Variants in C1orf174 observed in about 807,000 individuals in gnomAD.
C1orf174 encodes the protein UPF0688 protein C1orf174.
In C1orf174, 13 loss-of-function variants were observed where a neutral mutation model predicts 18.4. The observed-to-expected ratio is 0.71, with a 90% CI of 0.46 to 1.12. The LOEUF is 1.12. Ranked by LOEUF, C1orf174 falls within the 50% of genes most tolerant of loss-of-function variation. The probability of loss-of-function intolerance (pLI) is 0.00; values close to 1 mark genes in which losing one functional copy is unlikely to be tolerated. For synonymous variants in C1orf174, 100 were observed against 118.3 expected, an observed-to-expected ratio of 0.85 and a Z score of 1.01; for missense variants, 309 against 308.0, an observed-to-expected ratio of 1.00 and a Z score of -0.02.
At position 3,900,196 on chromosome 1, in the gene C1orf174, C is replaced by A. The variant is rs1638685660; in HGVS notation, c.-10G>T. On this transcript the variant is annotated 5_prime_UTR_variant, in exon 1 of 4. Coordinates refer to ENST00000361605, the MANE Select transcript of C1orf174 (RefSeq NM_207356.3). ...CCTTCCGGCTCCTCATGAGTGTGAG[C>A]ACCGCAGCCAAGCACCGCGCGCCCC... The A allele has an allele frequency of 1.3e-6, 2 of 1,582,176 alleles. No individual in the cohort carries two copies. The highest frequency in any genetic ancestry group is 1.7e-6 in the Non-Finnish European group (2 of 1,173,268).
chr1:3,894,908 C>T (rs939849178), intron 1 of C1orf174, among the ~76,000 whole-genome samples: 3 of 152,338 alleles, frequency 2.0e-5, no homozygotes, highest in South Asian at 4.1e-4. Context: ...CCCCGGCAGA[C>T]GTCATGGTCA....
intron 2 of C1orf174, 25 bp from the exon 3 acceptor site, chr1:3,891,082 G>T: frequency 6.3e-7 from 1 of 1,589,506 alleles, no homozygotes; most frequent in South Asian, 1.1e-5. Flanking sequence ...AATGTAAGGG[G>T]AACCAGACAT....
intron 1 of C1orf174, chr1:3,895,290 C>T (rs1638586904): frequency 6.6e-6 from 1 of 152,302 alleles, no homozygotes; most frequent in African/African-American, 2.4e-5. Flanking sequence ...ATCACCACAG[C>T]TCACCCTAGA....
In C1orf174 at chr1:3,890,872, G is replaced by T. The variant is rs747143488; in HGVS notation, c.315C>A (p.Gly105=). ...EFAEGSALLP[G]SEAGVSVQQG... Reference sequence around the variant, plus strand: ...GCTGCACAGAAACGCCAGCCTCGCTGCCTGGAAGCAAGGCACTGCCTTCAG... The same window carrying T: ...GCTGCACAGAAACGCCAGCCTCGCTTCCTGGAAGCAAGGCACTGCCTTCAG... The change falls in exon 3 of 4, where the codon GGC becomes GGA. Residue 105 remains glycine (G), a synonymous_variant. Coordinates refer to ENST00000361605, the MANE Select transcript of C1orf174 (RefSeq NM_207356.3). The T allele has an allele frequency of 1.2e-6, 2 of 1,613,556 alleles. No homozygotes were observed. Among genetic ancestry groups the T allele is most frequent in the Non-Finnish European group, 1.7e-6 (2 of 1,180,008 alleles).
chr1:3,890,638 G>A lies in C1orf174; in HGVS notation c.549C>T (p.Val183=), dbSNP rs1303718331. Residue 183 remains valine, a synonymous_variant, in exon 3 of 4, where the codon GTC becomes GTT. Coordinates refer to ENST00000361605, the MANE Select transcript of C1orf174 (RefSeq NM_207356.3). ...GCTGATTGCTGTCGTCATCTAGAAA[G>A]ACGCTGTTGTCCATCTGAAGTGGTG... ...QKPPLQMDNS[V]FLDDDSNQPM... 1 of 1,614,156 alleles carries A rather than the reference G, an allele frequency of 6.2e-7. No individual in the cohort carries two copies. The highest frequency in any genetic ancestry group is 1.1e-5 in the South Asian group (1 of 91,076).
intron 1 of C1orf174, among the ~76,000 whole-genome samples, chr1:3,897,207 G>C (rs565910775): frequency 6.6e-6 from 1 of 152,294 alleles, no homozygotes; most frequent in East Asian, 1.9e-4. Context: ...GTCTGTGAGA[G>C]TGACCAGATG....
intron 1 of C1orf174, among the ~76,000 whole-genome samples, chr1:3,893,811 C>T (rs1040207356): frequency 6.6e-6 from 1 of 152,144 alleles, no homozygotes; most frequent in Non-Finnish European, 1.5e-5. Flanking sequence ...GTGAGAGGAT[C>T]ACTTGATCCC....
chr1:3,898,277 T>C (rs1332320899), intron 1 of C1orf174, among the ~76,000 whole-genome samples: 1 of 152,170 alleles, frequency 6.6e-6, no homozygotes, highest in Non-Finnish European at 1.5e-5. Flanking sequence ...TTTGGGAGGC[T>C]GAGGCAGTGA....
intron 1 of C1orf174, 56 bp downstream of exon 1, chr1:3,900,116 G>A: frequency 1.3e-6 from 2 of 1,556,728 alleles, no homozygotes; most frequent in South Asian, 2.3e-5. Flanking sequence ...CAGACAGCAG[G>A]TGACCCAGAG....
At chr1:3,894,627 A>G (rs1638573534) in intron 1 of C1orf174, among the ~76,000 whole-genome samples, 1 of 151,638 alleles carries the variant, frequency 6.6e-6, no homozygotes, top group Admixed American at 6.6e-5. Context: ...AAAAAAAGAA[A>G]TAATCTGTCT....
At chr1:3,895,316 CT>C (rs1638587204) in intron 1 of C1orf174, 1 of 152,288 alleles carries the variant, frequency 6.6e-6, no homozygotes, top group South Asian at 2.1e-4. Context: ...CCCCCAACAA[CT>C]GCCTGAGGTG....
At chr1:3,897,505 T>A (rs544380658) in intron 1 of C1orf174, among the ~76,000 whole-genome samples, 1 of 151,590 alleles carries the variant, frequency 6.6e-6, no homozygotes, top group East Asian at 1.9e-4. Flanking sequence ...CGAAGAAAAA[T>A]AAAGCAAGCT....
At chr1:3,900,056 C>T in intron 1 of C1orf174, 116 bp downstream of exon 1, 1 of 1,309,884 alleles carries the variant, frequency 7.6e-7, no homozygotes, top group Non-Finnish European at 1.0e-6. Flanking sequence ...GAGGCCCAAG[C>T]GGAGGCCGCT....
rs1638688622 is a variant in C1orf174 at position 3,900,239 on chromosome 1, G to T, written c.-53C>A. On this transcript the variant is annotated 5_prime_UTR_variant, in exon 1 of 4. Coordinates refer to ENST00000361605, the MANE Select transcript of C1orf174 (RefSeq NM_207356.3). Reference sequence around the variant, plus strand: ...CGCGCCCCGGCCAACGCGTCCCGGCGGAGCGGCGACCCGGAGTCTGCAGAG... The same window carrying T: ...CGCGCCCCGGCCAACGCGTCCCGGCTGAGCGGCGACCCGGAGTCTGCAGAG... 2.0e-6 allele frequency: 3 copies of T among 1,535,174 alleles called. No homozygotes were observed. Among genetic ancestry groups the T allele is most frequent in the African/African-American group, 1.4e-5 (1 of 69,978 alleles).
intron 1 of C1orf174, among the ~76,000 whole-genome samples, chr1:3,894,774 C>G (rs1638576253): frequency 1.3e-5 from 2 of 152,172 alleles, no homozygotes; most frequent in African/African-American, 4.8e-5. Context: ...CACCGGAGGC[C>G]AGGACGCCCG....
intron 1 of C1orf174, chr1:3,895,582 G>C (rs1453313778): frequency 8.4e-6 from 1 of 119,476 alleles, no homozygotes; most frequent in Non-Finnish European, 2.0e-5. Context: ...GCTGTTAACA[G>C]ACACCTGAGC....
chr1:3,898,719 A>T (rs937322701), intron 1 of C1orf174, among the ~76,000 whole-genome samples: 1 of 152,242 alleles, frequency 6.6e-6, no homozygotes, highest in Admixed American at 6.5e-5. Flanking sequence ...TTAATTTAAA[A>T]AGCAATTGTA....
chr1:3,890,670 G>A lies in C1orf174; in HGVS notation c.517C>T (p.Gln173Ter). The change falls in exon 3 of 4, where the codon CAG (glutamine) becomes TAG (stop). Residue 173 changes from glutamine (Q) to a stop codon, truncating the protein, a stop_gained. Coordinates refer to ENST00000361605, the MANE Select transcript of C1orf174 (RefSeq NM_207356.3). LOFTEE classifies it high-confidence loss of function. ...TTGTCCATCTGAAGTGGTGGCTTCTGCACATCCTCTGTCTGTAGCCCTGGC... is the reference window on the plus strand; with the variant it reads ...TTGTCCATCTGAAGTGGTGGCTTCTACACATCCTCTGTCTGTAGCCCTGGC... ...NEPGLQTEDVQKPPLQMDNSV... is the reference protein window; with the variant it reads ...NEPGLQTEDV 6.2e-7 allele frequency: 1 copy of A among 1,614,110 alleles called. No homozygotes were observed. The highest frequency in any genetic ancestry group is 1.1e-5 in the South Asian group (1 of 91,082).
At position 3,900,247 on chromosome 1, in the gene C1orf174, G is replaced by C. The variant is rs1012642928; in HGVS notation, c.-61C>G. On this transcript the variant is annotated 5_prime_UTR_variant, in exon 1 of 4. Coordinates refer to ENST00000361605, the MANE Select transcript of C1orf174 (RefSeq NM_207356.3). ...GGCCAACGCGTCCCGGCGGAGCGGC[G>C]ACCCGGAGTCTGCAGAGCGCGCCGC... The C allele has an allele frequency of 2.0e-6, 3 of 1,521,710 alleles. No homozygotes were observed. The highest frequency in any genetic ancestry group is 5.1e-5 in the East Asian group (2 of 38,992). The allele number at this position is 1,521,710 out of a possible 1,614,324, so 94.3% of individuals were successfully genotyped here.
Sources: allele counts gnomAD v4.1 joint callset (sites outside exome capture counted in the v4.1 genomes callset), GRCh38; gene constraint gnomAD v4.1.1; transcripts MANE v1.5; gene names NCBI Gene and HGNC (gene_info 2026-07-23, HGNC 2026-07-21).